The following RALGPS2 variants were observed in gnomAD, a reference collection of about 807,000 sequenced individuals.
RALGPS2 encodes ras-specific guanine nucleotide-releasing factor RalGPS2.
In RALGPS2, 43 loss-of-function variants were observed where a neutral mutation model predicts 86.8. The ratio of observed to expected loss-of-function variants is 0.50; its 90% CI spans 0.39 to 0.64. The LOEUF is 0.64. Ranked by LOEUF, RALGPS2 falls within the 30% of genes least tolerant of loss-of-function variation. The pLI is 0.00. For synonymous variants in RALGPS2, 243 were observed against 231.3 expected (o/e 1.05, Z -0.46); for missense variants, 536 against 694.6 (o/e 0.77, Z 2.57).
chr1:178,897,766 T>G lies in RALGPS2; in HGVS notation c.1524+10T>G, dbSNP rs1225681239. Reference sequence around the variant, plus strand: ...TACCGAAAGAAAACATGTAAGTATTTGTTCTCTACATTTTTAGCGTGGTTT... The same window carrying G: ...TACCGAAAGAAAACATGTAAGTATTGGTTCTCTACATTTTTAGCGTGGTTT... On this transcript the variant is annotated intron_variant, in intron 17 of 19. Transcript: ENST00000367635. 6.2e-7 allele frequency: 1 copy of G among 1,600,108 alleles called. No homozygotes were observed. Among genetic ancestry groups the G allele is most frequent in the Non-Finnish European group, 8.6e-7 (1 of 1,167,944 alleles).
intron 1 of RALGPS2, among the ~76,000 whole-genome samples, chr1:178,730,764 T>G (rs1323454947): frequency 6.6e-6 from 1 of 151,564 alleles, no homozygotes; most frequent in Non-Finnish European, 1.5e-5. Flanking sequence ...TGCAATGGCG[T>G]GATCTCGGCT....
At chr1:178,772,548 T>C (rs941406122) in intron 1 of RALGPS2, among the ~76,000 whole-genome samples, 1 of 152,230 alleles carries the variant, frequency 6.6e-6, no homozygotes, top group South Asian at 2.1e-4. Flanking sequence ...TGCATTATTT[T>C]ATAGATTTTT....
At chr1:178,775,440 A>G (rs1186656097) in intron 1 of RALGPS2, among the ~76,000 whole-genome samples, 1 of 152,166 alleles carries the variant, frequency 6.6e-6, no homozygotes, top group Non-Finnish European at 1.5e-5. Context: ...CATTTCTCTT[A>G]TGAAAAACGT....
intron 1 of RALGPS2, among the ~76,000 whole-genome samples, chr1:178,749,974 G>A (rs1651563012): frequency 6.6e-6 from 1 of 152,056 alleles, no homozygotes; most frequent in Non-Finnish European, 1.5e-5. Flanking sequence ...AGCCAGGCAT[G>A]GTGGCGCACA....
intron 17 of RALGPS2, 75 bp from the exon 18 acceptor site, chr1:178,902,031 A>G (rs1427087058): frequency 9.7e-7 from 1 of 1,030,974 alleles, no homozygotes; most frequent in Non-Finnish European, 1.5e-6. Context: ...CTGAAAATAC[A>G]CTCCCTAACA....
chr1:178,736,022 T>C (rs1336592767), intron 1 of RALGPS2, among the ~76,000 whole-genome samples: 1 of 150,894 alleles, frequency 6.6e-6, no homozygotes. Flanking sequence ...AGGGAGTTAT[T>C]TGGAGGTTAA....
chr1:178,791,326 A>T lies in RALGPS2; in HGVS notation c.213+5719A>T, dbSNP rs578087677. Among the ~76,000 whole-genome samples the T allele has an allele frequency of 1.6e-4, 22 of 139,566 alleles. No homozygotes were observed. In the East Asian group the frequency reaches 4.5e-3, roughly 28 times the overall value. The allele number at this position is 139,566 out of a possible 152,430, so 91.6% of individuals were successfully genotyped here. A position where few individuals can be genotyped will look rare whatever the true frequency, so the allele number is the denominator to read the frequency against. On this transcript the variant is annotated intron_variant, in intron 4 of 19. Transcript: ENST00000367635. ...TTTTTTTGGATAGAGACAAGGTCTT[A>T]CTACGTTGCCCAGGCTGGTCTTGAA...
intron 17 of RALGPS2, among the ~76,000 whole-genome samples, chr1:178,899,213 A>G (rs1660063750): frequency 6.6e-6 from 1 of 151,932 alleles, no homozygotes; most frequent in African/African-American, 2.4e-5. Context: ...GCTTGTGCAT[A>G]AAGTTACTAG....
At chr1:178,819,749 A>G (rs1281454611) in intron 6 of RALGPS2, among the ~76,000 whole-genome samples, 2 of 152,200 alleles carry the variant, frequency 1.3e-5, no homozygotes, top group African/African-American at 2.4e-5. Context: ...CAAGGTGTCT[A>G]ATTTACCAGA....
intron 1 of RALGPS2, among the ~76,000 whole-genome samples, chr1:178,770,281 C>A (rs976591297): frequency 6.6e-6 from 1 of 151,732 alleles, no homozygotes; most frequent in South Asian, 2.1e-4. Context: ...ACCTCGGCCT[C>A]CCCAAGTGCT....
chr1:178,825,806 T>C (rs1390114849), intron 7 of RALGPS2, among the ~76,000 whole-genome samples: 1 of 152,220 alleles, frequency 6.6e-6, no homozygotes. Flanking sequence ...GTGGCTATCA[T>C]ATTGGACAGC....
intron 6 of RALGPS2, 67 bp downstream of exon 6, chr1:178,811,471 T>C (rs1055401653): frequency 4.6e-6 from 5 of 1,090,622 alleles, no homozygotes; most frequent in Admixed American, 2.7e-5. Context: ...TGAATAAATA[T>C]TCGTGATGCT....
At chr1:178,817,803 A>C (rs1481273848) in intron 6 of RALGPS2, among the ~76,000 whole-genome samples, 3 of 152,188 alleles carry the variant, frequency 2.0e-5, no homozygotes, top group Non-Finnish European at 4.4e-5. Flanking sequence ...CTTTATTTTC[A>C]GTGAAGCACT....
At chr1:178,897,032 G>A (rs1432781221) in intron 16 of RALGPS2, among the ~76,000 whole-genome samples, 5 of 151,896 alleles carry the variant, frequency 3.3e-5, no homozygotes, top group Admixed American at 6.6e-5. Context: ...CTGAGGAATC[G>A]CCACACTGAC....
chr1:178,836,696 C>G (rs1656287377), intron 8 of RALGPS2, among the ~76,000 whole-genome samples: 1 of 152,192 alleles, frequency 6.6e-6, no homozygotes, highest in African/African-American at 2.4e-5. Flanking sequence ...ACATTTCTGG[C>G]TTTTATTAGC....
intron 12 of RALGPS2, chr1:178,885,504 T>TTA (rs2102378556): frequency 4.0e-6 from 1 of 251,368 alleles, no homozygotes; most frequent in African/African-American, 2.2e-5. Context: ...TTTAAAAGAG[T>TTA]TACAACCTTT....
At position 178,774,432 on chromosome 1, in the gene RALGPS2, A is replaced by G. The variant is rs375690826; in HGVS notation, c.-83-2250A>G. On this transcript the variant is annotated intron_variant, in intron 1 of 19. Coordinates refer to ENST00000367635, the MANE Select transcript of RALGPS2 (RefSeq NM_152663.5). The stretch of plus-strand genomic sequence containing the variant: ...AGTTAAAGATATAACTCCTTTACCT[A>G]TTAAATTAAAATCTTTTTCTTAGCA... 3.3e-3 allele frequency among the ~76,000 whole-genome samples: 503 copies of G among 152,338 alleles called. 4 individuals are homozygous for G. Among genetic ancestry groups the G allele is most frequent in the South Asian group, 0.012 (57 of 4,826 alleles).
chr1:178,768,532 G>A (rs951228415), intron 1 of RALGPS2, among the ~76,000 whole-genome samples: 2 of 152,198 alleles, frequency 1.3e-5, no homozygotes, highest in Non-Finnish European at 2.9e-5. Context: ...TGGCGCTTAC[G>A]GGTAAGAGCT....
In RALGPS2 at chr1:178,752,825, G is replaced by A. The variant is rs183009721; in HGVS notation, c.-83-23857G>A. Among the ~76,000 whole-genome samples the A allele has an allele frequency of 5.2e-4, 79 of 152,318 alleles. 1 individual carries two copies. In the Middle Eastern group the frequency reaches 0.02, roughly 39 times the overall value. ...ATACCAAGGGTCTGTTGTAGGGGAA[G>A]TCATTGCTTAGGTATCCATTTGTTG... On this transcript the variant is annotated intron_variant, in intron 1 of 19. Transcript: ENST00000367635.
Sources: allele counts gnomAD v4.1 joint callset (sites outside exome capture counted in the v4.1 genomes callset), GRCh38; gene constraint gnomAD v4.1.1; transcripts MANE v1.5; gene names NCBI Gene and HGNC (gene_info 2026-07-23, HGNC 2026-07-21).